The following MBOAT2 variants were observed in gnomAD, a reference collection of about 807,000 sequenced individuals.
The protein encoded by MBOAT2 is membrane bound glycerophospholipid O-acyltransferase 2, also known as membrane-bound glycerophospholipid O-acyltransferase 2.
Under a neutral mutation model 63.4 loss-of-function variants are expected in MBOAT2, and 28 were observed. The observed-to-expected ratio is 0.44, with a 90% CI of 0.33 to 0.61. MBOAT2 has a LOEUF of 0.61. Among genes scored for constraint, MBOAT2 ranks in the 20% least tolerant of loss-of-function variants. The pLI, the probability that MBOAT2 is intolerant of heterozygous loss-of-function variation, is 0.03. For synonymous variants in MBOAT2, 211 were observed against 215.6 expected (o/e 0.98, Z 0.19); for missense variants, 470 against 605.8 (o/e 0.78, Z 2.35).
chr2:8,884,485 T>TAAA (rs58668120), intron 5 of MBOAT2, among the ~76,000 whole-genome samples: 17 of 142,426 alleles, frequency 1.2e-4, no homozygotes, highest in African/African-American at 3.1e-4. Context: ...ACCTTTTCCT[T>TAAA]AAAAAAAAAA....
At chr2:8,981,357 A>G (rs1307643420) in intron 1 of MBOAT2, among the ~76,000 whole-genome samples, 1 of 152,202 alleles carries the variant, frequency 6.6e-6, no homozygotes, top group Non-Finnish European at 1.5e-5. Context: ...CTATTAAAAT[A>G]TACTGTGCAT....
At chr2:8,983,159 T>C (rs572838519) in intron 1 of MBOAT2, among the ~76,000 whole-genome samples, 2 of 152,056 alleles carry the variant, frequency 1.3e-5, no homozygotes, top group South Asian at 4.2e-4. Flanking sequence ...TAGAGCTTGA[T>C]CCAAATTATA....
rs1558543395 is a variant in MBOAT2, at chr2:8,860,731, GT to G, written c.1218del (p.Glu406AspfsTer5). 6.3e-7 allele frequency: 1 copy of G among 1,595,532 alleles called. No homozygotes were observed. The highest frequency in any genetic ancestry group is 8.6e-7 in the Non-Finnish European group (1 of 1,165,952). On this transcript the variant is annotated frameshift_variant, in exon 12 of 13. Transcript: ENST00000305997. LOFTEE classifies it high-confidence loss of function. Reference sequence around the variant, plus strand: ...TCATAAAATAATTTCAGTTGGGAAGGTTCAATGAAATAATGTCTAAAGTTAT... The same window carrying G: ...TCATAAAATAATTTCAGTTGGGAAGGTCAATGAAATAATGTCTAAAGTTAT... ...MRNNFRHYFI[E>X]PSQLKLFYDV...
chr2:8,928,308 T>C (rs916697823), intron 3 of MBOAT2, among the ~76,000 whole-genome samples: 1 of 152,016 alleles, frequency 6.6e-6, no homozygotes, highest in Non-Finnish European at 1.5e-5. Context: ...AGATTTCAGA[T>C]AGAGCAGCAC....
At chr2:8,903,665 C>A (rs1665127994) in intron 4 of MBOAT2, among the ~76,000 whole-genome samples, 2 of 152,156 alleles carry the variant, frequency 1.3e-5, no homozygotes, top group Non-Finnish European at 1.5e-5. Flanking sequence ...CTGAGTACAG[C>A]CTAGCTTTCC....
At chr2:8,926,880 G>A (rs982208602) in intron 3 of MBOAT2, among the ~76,000 whole-genome samples, 1 of 152,160 alleles carries the variant, frequency 6.6e-6, no homozygotes, top group Non-Finnish European at 1.5e-5. Context: ...GGTAACAAGA[G>A]CTAAGGGTCA....
At chr2:8,860,815 T>G in intron 11 of MBOAT2, 51 bp from the exon 12 acceptor site, 1 of 1,395,228 alleles carries the variant, frequency 7.2e-7, no homozygotes, top group Non-Finnish European at 9.9e-7. Context: ...TAACATTACT[T>G]ATGCAGTTAC....
rs760565298 is a variant in MBOAT2, at chr2:8,864,166, G to A, written c.1052+4C>T. 1.1e-5 allele frequency: 18 copies of A among 1,571,792 alleles called. No individual in the cohort carries two copies. The highest frequency in any genetic ancestry group is 7.0e-5 in the East Asian group (3 of 42,780). On this transcript the variant is annotated splice_donor_region_variant and intron_variant, in intron 10 of 12. Coordinates refer to ENST00000305997, the MANE Select transcript of MBOAT2 (RefSeq NM_138799.4). ...ATCTAAAGATCGTTTTTGAAGGAACGCACCTTTTGAGCCAAAGAGCTGTCT... is the reference window on the plus strand; with the variant it reads ...ATCTAAAGATCGTTTTTGAAGGAACACACCTTTTGAGCCAAAGAGCTGTCT...
intron 1 of MBOAT2, among the ~76,000 whole-genome samples, chr2:8,986,444 T>C (rs931238187): frequency 1.3e-5 from 2 of 151,904 alleles, no homozygotes; most frequent in Non-Finnish European, 2.9e-5. Flanking sequence ...ATGCCTGTAG[T>C]CCCAGCTACT....
chr2:8,977,136 G>C (rs561340560), intron 1 of MBOAT2, among the ~76,000 whole-genome samples: 123 of 152,166 alleles, frequency 8.1e-4, no homozygotes, highest in Non-Finnish European at 1.1e-3. Flanking sequence ...AGCCTTATGG[G>C]TGGATACCTA....
chr2:8,980,709 C>T (rs1300684602), intron 1 of MBOAT2, among the ~76,000 whole-genome samples: 1 of 152,076 alleles, frequency 6.6e-6, no homozygotes, highest in Non-Finnish European at 1.5e-5. Context: ...TCAAAAAGAT[C>T]GTTAAGTGTT....
intron 12 of MBOAT2, among the ~76,000 whole-genome samples, chr2:8,859,890 T>C (rs1661367268): frequency 6.6e-6 from 1 of 152,146 alleles, no homozygotes; most frequent in South Asian, 2.1e-4. Flanking sequence ...TAAAATATAA[T>C]TTATTTTCCT....
intron 7 of MBOAT2, among the ~76,000 whole-genome samples, chr2:8,876,499 A>G (rs1662712084): frequency 6.6e-6 from 1 of 152,182 alleles, no homozygotes; most frequent in African/African-American, 2.4e-5. Context: ...CATATTACTA[A>G]TCTCTTCATT....
intron 3 of MBOAT2, among the ~76,000 whole-genome samples, chr2:8,927,451 A>G (rs548713229): frequency 9.2e-5 from 14 of 152,214 alleles, no homozygotes; most frequent in Non-Finnish European, 1.9e-4. Context: ...GAAACCCATC[A>G]ATTAAAACAA....
intron 1 of MBOAT2, among the ~76,000 whole-genome samples, chr2:8,970,320 A>G (rs1441195373): frequency 6.6e-6 from 1 of 152,246 alleles, no homozygotes; most frequent in Non-Finnish European, 1.5e-5. Flanking sequence ...CTTTGAAACC[A>G]ATGAGAACAA....
Position 8,855,602 on chromosome 2 carries a change from C to A in MBOAT2, c.*3077G>T, listed in dbSNP as rs1661031749. Reference sequence around the variant, plus strand: ...TTGAAGCCAAATAAATCTTCTCTATCCTGCCGGATATTTTAGAAGCTAAAT... The same window carrying A: ...TTGAAGCCAAATAAATCTTCTCTATACTGCCGGATATTTTAGAAGCTAAAT... On this transcript the variant is annotated 3_prime_UTR_variant, in exon 13 of 13. Transcript: ENST00000305997. 1 of 152,160 alleles carries A rather than the reference C, an allele frequency of 6.6e-6. No individual in the cohort carries two copies. The highest frequency in any genetic ancestry group is 2.1e-4 in the South Asian group (1 of 4,832). The allele number at this position is 152,160 out of a possible 1,614,324, so 9.4% of individuals were successfully genotyped here. A position where few individuals can be genotyped will look rare whatever the true frequency, so the allele number is the denominator to read the frequency against.
chr2:8,933,003 C>T (rs1007750621), intron 3 of MBOAT2, among the ~76,000 whole-genome samples: 2 of 152,140 alleles, frequency 1.3e-5, no homozygotes, highest in Non-Finnish European at 2.9e-5. Flanking sequence ...AAAAAATACC[C>T]CTTTCACTCA....
chr2:8,881,555 C>G (rs964398374), intron 6 of MBOAT2, among the ~76,000 whole-genome samples: 1 of 152,010 alleles, frequency 6.6e-6, no homozygotes, highest in Non-Finnish European at 1.5e-5. Context: ...GATTTGCTCT[C>G]GATGTGAGAG....
chr2:8,927,440 C>T (rs141879627), intron 3 of MBOAT2, among the ~76,000 whole-genome samples: 4 of 152,162 alleles, frequency 2.6e-5, no homozygotes, highest in South Asian at 4.2e-4. Flanking sequence ...GAATGGAAGC[C>T]GAAACCCATC....
Sources: gnomAD v4.1 joint callset for allele counts (sites outside exome capture counted in the v4.1 genomes callset) on GRCh38, gnomAD v4.1.1 for gene constraint, MANE v1.5 for transcripts, NCBI Gene and HGNC (gene_info 2026-07-23, HGNC 2026-07-21) for gene names.